Variants in SBNO1 observed in about 807,000 individuals in gnomAD.
SBNO1 encodes strawberry notch homolog 1, also known as protein strawberry notch homolog 1.
In SBNO1, 23 loss-of-function variants were observed where a neutral mutation model predicts 173.6. The observed-to-expected ratio is 0.13, with a 90% CI of 0.10 to 0.19. The LOEUF is 0.19. SBNO1 is among the 10% of genes least tolerant of loss of function. The pLI is 1.00. For missense variants in SBNO1, 1,238 were observed against 1,671.2 expected (o/e 0.74, Z 4.52); for synonymous variants, 632 against 571.5 (o/e 1.11, Z -1.51).
At chr12:123,362,451 AAAAAAAAAAAAAAAAAAG>A (rs1875422354) in intron 1 of SBNO1, among the ~76,000 whole-genome samples, 1 of 148,272 alleles carries the variant, frequency 6.7e-6, no homozygotes, top group Non-Finnish European at 1.5e-5. Flanking sequence ...AAAAAAAAAA[AAAAAAAAAAAAAAAAAAG>A]GATTCTGACG....
intron 30 of SBNO1, among the ~76,000 whole-genome samples, chr12:123,301,627 G>T (rs1181276474): frequency 6.6e-6 from 1 of 152,122 alleles, no homozygotes; most frequent in East Asian, 1.9e-4. Flanking sequence ...AGGGGTGAGG[G>T]GGCACAGCAG....
intron 10 of SBNO1, among the ~76,000 whole-genome samples, 163 bp downstream of exon 10, chr12:123,328,571 T>TA (rs1301624265): frequency 6.6e-6 from 1 of 152,158 alleles, no homozygotes; most frequent in African/African-American, 2.4e-5. Context: ...ATCTGACAGG[T>TA]AAAAAACCGA....
chr12:123,309,273 T>G (rs753953254), intron 28 of SBNO1, 37 bp downstream of exon 28: 1 of 1,442,492 alleles, frequency 6.9e-7, no homozygotes, highest in South Asian at 1.1e-5. Context: ...TTAAAAAGTA[T>G]TATATATCTG....
At position 123,364,717 on chromosome 12, in the gene SBNO1, G is replaced by T; in HGVS notation, c.-17C>A. ...AGGACTTACTTTCCCCGCGGGACCC[G>T]GCGCCAGCACAGCTCCTCCCGGGAG... On this transcript the variant is annotated 5_prime_UTR_variant, in exon 1 of 32. Transcript: ENST00000602398. The T allele has an allele frequency of 1.0e-6, 1 of 986,078 alleles. No individual in the cohort carries two copies. Among genetic ancestry groups the T allele is most frequent in the South Asian group, 4.6e-5 (1 of 21,880 alleles). 61.1% of individuals were successfully genotyped at this position (986,078 alleles called of 1,614,324 possible).
chr12:123,339,876 C>T (rs1390414320), intron 5 of SBNO1, among the ~76,000 whole-genome samples: 1 of 152,114 alleles, frequency 6.6e-6, no homozygotes, highest in Admixed American at 6.6e-5. Flanking sequence ...AGCTAAGCTT[C>T]CTGGCTTATT....
chr12:123,321,770 C>G, intron 16 of SBNO1, 38 bp from the exon 17 acceptor site: 2 of 1,532,544 alleles, frequency 1.3e-6, no homozygotes, highest in Non-Finnish European at 1.8e-6. Flanking sequence ...AGCCCAAATT[C>G]AATGTTTCTT....
intron 7 of SBNO1, among the ~76,000 whole-genome samples, chr12:123,332,934 C>G (rs1343493028): frequency 6.6e-6 from 1 of 152,234 alleles, no homozygotes; most frequent in East Asian, 1.9e-4. Flanking sequence ...ACCATCCTGG[C>G]TAACACGGTA....
chr12:123,355,566 T>G (rs1308229471), intron 1 of SBNO1, among the ~76,000 whole-genome samples: 5 of 151,942 alleles, frequency 3.3e-5, no homozygotes, highest in Admixed American at 1.3e-4. Flanking sequence ...ATCGCAGCAC[T>G]GCACTCCAGC....
At chr12:123,336,057 G>A (rs1315952950) in intron 6 of SBNO1, among the ~76,000 whole-genome samples, 1 of 151,932 alleles carries the variant, frequency 6.6e-6, no homozygotes, top group Non-Finnish European at 1.5e-5. Context: ...TTCATACAGT[G>A]GCTGCTAAAA....
At position 123,320,420 on chromosome 12, in the gene SBNO1, A is replaced by C; in HGVS notation, c.2667+12T>G. ...TGGCAAAAATGTCACCAAGAGATAC[A>C]GGCCTATTTACCTCAGCAACGTTCT... On this transcript the variant is annotated intron_variant, in intron 19 of 31. Coordinates refer to ENST00000602398, the MANE Select transcript of SBNO1 (RefSeq NM_001167856.3). 3.1e-6 allele frequency: 5 copies of C among 1,603,174 alleles called. 1 individual carries two copies. In the South Asian group the frequency reaches 5.6e-5, roughly 18 times the overall value.
chr12:123,361,814 GTC>G (rs1179760249), intron 1 of SBNO1, among the ~76,000 whole-genome samples: 1 of 151,886 alleles, frequency 6.6e-6, no homozygotes, highest in East Asian at 1.9e-4. Flanking sequence ...CTAACTCAGT[GTC>G]TCCCCTTCAG....
At chr12:123,311,712 CTATCTATCTATATATA>C (rs1228474850) in intron 24 of SBNO1, among the ~76,000 whole-genome samples, 5 of 69,088 alleles carry the variant, frequency 7.2e-5, no homozygotes, top group African/African-American at 1.1e-4. Context: ...ATCTATCTAT[CTATCTATCTATATATA>C]TATATATATA....
At position 123,293,217 on chromosome 12, in the gene SBNO1, G is replaced by A. The variant is rs181398261; in HGVS notation, c.*2691C>T. 1 of 152,190 alleles carries A rather than the reference G, an allele frequency of 6.6e-6. No individual in the cohort carries two copies. Among genetic ancestry groups the A allele is most frequent in the Non-Finnish European group, 1.5e-5 (1 of 68,032 alleles). The allele number at this position is 152,190 out of a possible 1,614,324, so 9.4% of individuals were successfully genotyped here. A position where few individuals can be genotyped will look rare whatever the true frequency, so the allele number is the denominator to read the frequency against. Reference sequence around the variant, plus strand: ...CAATGAATGGACCTATTTTACAGAAGTCAGCGGCAAATTTTTTGTATTTTT... The same window carrying A: ...CAATGAATGGACCTATTTTACAGAAATCAGCGGCAAATTTTTTGTATTTTT... On this transcript the variant is annotated 3_prime_UTR_variant, in exon 32 of 32. Coordinates refer to ENST00000602398, the MANE Select transcript of SBNO1 (RefSeq NM_001167856.3).
At chr12:123,296,555 G>GTTTTTT (rs35125710) in intron 31 of SBNO1, among the ~76,000 whole-genome samples, 2 of 140,424 alleles carry the variant, frequency 1.4e-5, no homozygotes, top group Non-Finnish European at 3.1e-5. Context: ...ATATATATGT[G>GTTTTTT]TTTTTTTTTT....
At chr12:123,322,871 G>C (rs551346358) in intron 16 of SBNO1, among the ~76,000 whole-genome samples, 3 of 148,616 alleles carry the variant, frequency 2.0e-5, no homozygotes, top group African/African-American at 7.4e-5. Context: ...CGGAGACGGA[G>C]ACCCTGTCTC....
chr12:123,322,085 C>T (rs2138970334), intron 16 of SBNO1, among the ~76,000 whole-genome samples: 1 of 152,312 alleles, frequency 6.6e-6, no homozygotes, highest in African/African-American at 2.4e-5. Flanking sequence ...CTAATAATTA[C>T]AGGTTTATAG....
chr12:123,344,420 G>GT (rs1291486779), intron 4 of SBNO1, among the ~76,000 whole-genome samples: 1 of 152,186 alleles, frequency 6.6e-6, no homozygotes, highest in Non-Finnish European at 1.5e-5. Context: ...GGACACAGTG[G>GT]TATGGACCCA....
At position 123,331,378 on chromosome 12, in the gene SBNO1, G is replaced by A. The variant is rs1555249005; in HGVS notation, c.910-3C>T. 1.2e-6 allele frequency: 2 copies of A among 1,612,762 alleles called. No homozygotes were observed. Among genetic ancestry groups the A allele is most frequent in the Admixed American group, 1.7e-5 (1 of 59,790 alleles). On this transcript the variant is annotated splice_region_variant and splice_polypyrimidine_tract_variant and intron_variant, in intron 7 of 31. Coordinates refer to ENST00000602398, the MANE Select transcript of SBNO1 (RefSeq NM_001167856.3). ...TTAGGTAGGAAAGTTTCATGTTGCTGAAAAACAAAAGGCTGGTAATTAATA... is the reference window on the plus strand; with the variant it reads ...TTAGGTAGGAAAGTTTCATGTTGCTAAAAAACAAAAGGCTGGTAATTAATA...
intron 6 of SBNO1, among the ~76,000 whole-genome samples, chr12:123,336,051 T>C (rs79119217): frequency 3.9e-5 from 6 of 152,108 alleles, no homozygotes; most frequent in African/African-American, 1.4e-4. Flanking sequence ...TTCGACTTCA[T>C]ACAGTGGCTG....
Sources: allele counts gnomAD v4.1 joint callset (sites outside exome capture counted in the v4.1 genomes callset), GRCh38; gene constraint gnomAD v4.1.1; transcripts MANE v1.5; gene names NCBI Gene and HGNC (gene_info 2026-07-23, HGNC 2026-07-21).